UBE2E1: variants seen among roughly 807,000 people sequenced by gnomAD.
UBE2E1 encodes the protein ubiquitin conjugating enzyme E2 E1.
In UBE2E1, 6 loss-of-function variants were observed where a neutral mutation model predicts 21.4. That is an observed-to-expected ratio of 0.28 (90% CI 0.15 to 0.55). UBE2E1 has a LOEUF of 0.55. UBE2E1 is among the 20% of genes least tolerant of loss of function. UBE2E1 has a pLI of 0.93. For missense variants in UBE2E1, 142 were observed against 236.5 expected, an observed-to-expected ratio of 0.60 and a Z score of 2.62; for synonymous variants, 87 against 82.7, an observed-to-expected ratio of 1.05 and a Z score of -0.28.
intron 3 of UBE2E1, among the ~76,000 whole-genome samples, chr3:23,858,976 G>A (rs1190926951): frequency 6.6e-6 from 1 of 152,118 alleles, no homozygotes; most frequent in Non-Finnish European, 1.5e-5. Flanking sequence ...ATCATTTATT[G>A]TTGGACAGTC....
intron 3 of UBE2E1, among the ~76,000 whole-genome samples, chr3:23,878,636 T>G (rs1700971376): frequency 6.6e-6 from 1 of 152,110 alleles, no homozygotes; most frequent in South Asian, 2.1e-4. Context: ...TGGCATTAGG[T>G]TCTCATAGGC....
intron 3 of UBE2E1, among the ~76,000 whole-genome samples, chr3:23,848,863 T>A (rs1450250227): frequency 6.6e-6 from 1 of 152,224 alleles, no homozygotes; most frequent in Non-Finnish European, 1.5e-5. Flanking sequence ...TAATAAGCAG[T>A]GAAGACCATG....
chr3:23,806,220 G>T lies in UBE2E1; in HGVS notation c.-34+132G>T, dbSNP rs1156877411. The T allele has an allele frequency of 1.3e-5, 2 of 148,676 alleles. No homozygotes were observed. Among genetic ancestry groups the T allele is most frequent in the African/African-American group, 2.4e-5 (1 of 40,984 alleles). The allele number at this position is 148,676 out of a possible 1,614,324, so 9.2% of individuals were successfully genotyped here. A position where few individuals can be genotyped will look rare whatever the true frequency, so the allele number is the denominator to read the frequency against. On this transcript the variant is annotated intron_variant, in intron 1 of 5. Transcript: ENST00000306627. The surrounding 1 kb of genome is among the most constrained non-coding windows in gnomAD (Gnocchi z 6.5). ...CAGGGCACGGGGCCGGCGCGGGGGG[G>T]GAGCGGAGAGGGGCTGGGGAGCCCC...
intron 3 of UBE2E1, among the ~76,000 whole-genome samples, chr3:23,813,330 G>A (rs949415109): frequency 2.0e-5 from 3 of 152,140 alleles, no homozygotes; most frequent in African/African-American, 7.2e-5. Flanking sequence ...ATTTTCTGAA[G>A]ATATTTTCCA....
At chr3:23,882,632 T>C (rs775280354) in intron 3 of UBE2E1, among the ~76,000 whole-genome samples, 5 of 150,386 alleles carry the variant, frequency 3.3e-5, no homozygotes, top group Non-Finnish European at 7.4e-5. Flanking sequence ...ACTGCAGGGG[T>C]GGAGGGGAGG....
At chr3:23,814,507 TAC>T (rs145652054) in intron 3 of UBE2E1, among the ~76,000 whole-genome samples, 1 of 151,898 alleles carries the variant, frequency 6.6e-6, no homozygotes, top group Non-Finnish European at 1.5e-5. Flanking sequence ...TATATATGCA[TAC>T]ACACACACAC....
At chr3:23,889,774 C>T in intron 5 of UBE2E1, 1 of 985,086 alleles carries the variant, frequency 1.0e-6, no homozygotes, top group Non-Finnish European at 1.2e-6. Flanking sequence ...TCTGTAGTCA[C>T]AGCTACTAGG....
chr3:23,886,922 A>G (rs911242354), intron 3 of UBE2E1, among the ~76,000 whole-genome samples: 2 of 152,250 alleles, frequency 1.3e-5, no homozygotes, highest in Non-Finnish European at 2.9e-5. Flanking sequence ...TGTATGTAAC[A>G]GTGATTTATG....
intron 3 of UBE2E1, among the ~76,000 whole-genome samples, chr3:23,869,968 T>C (rs567368807): frequency 3.9e-5 from 6 of 152,276 alleles, no homozygotes; most frequent in South Asian, 2.1e-4. Flanking sequence ...TTCATAGATA[T>C]AGAGTTTGGG....
rs1700908482 is a variant in UBE2E1, at chr3:23,876,080, A to C, written c.204-11487A>C. ...GCCACTGTGCCCAGCCAAATATGTGAATTCTTGTGTGTGGGTACTAGTTTT... is the reference window on the plus strand; with the variant it reads ...GCCACTGTGCCCAGCCAAATATGTGCATTCTTGTGTGTGGGTACTAGTTTT... On this transcript the variant is annotated intron_variant, in intron 3 of 5. Coordinates refer to ENST00000306627, the MANE Select transcript of UBE2E1 (RefSeq NM_003341.5). The surrounding 1 kb of genome is among the most constrained non-coding windows in gnomAD (Gnocchi z 4.3). Among the ~76,000 whole-genome samples the C allele has an allele frequency of 6.6e-6, 1 of 152,004 alleles. No individual in the cohort carries two copies. The highest frequency in any genetic ancestry group is 2.1e-4 in the South Asian group (1 of 4,810).
intron 3 of UBE2E1, among the ~76,000 whole-genome samples, chr3:23,850,737 T>C (rs1461134829): frequency 6.7e-6 from 1 of 148,332 alleles, no homozygotes; most frequent in Non-Finnish European, 1.5e-5. Flanking sequence ...ATGCCAGAGC[T>C]GTGGCATGAT....
chr3:23,869,916 A>G (rs967914197), intron 3 of UBE2E1, among the ~76,000 whole-genome samples: 1 of 152,240 alleles, frequency 6.6e-6, no homozygotes, highest in East Asian at 1.9e-4. Flanking sequence ...ATAACAAAAT[A>G]TTCTAAACAA....
intron 3 of UBE2E1, among the ~76,000 whole-genome samples, chr3:23,818,999 G>A (rs1338329425): frequency 9.2e-5 from 14 of 152,150 alleles, no homozygotes; most frequent in Admixed American, 9.2e-4. Context: ...AAAATTGCTA[G>A]AGAGTCCGGG....
Position 23,811,416 on chromosome 3 carries a change from C to G in UBE2E1, c.153-44C>G, listed in dbSNP as rs75932263. On this transcript the variant is annotated intron_variant, in intron 2 of 5. Transcript: ENST00000306627. ...CGCTACAGGTGGGAGGCTTCCGCGCCTTAATGCTTCTTGTGTTTGTCTTTC... is the reference window on the plus strand; with the variant it reads ...CGCTACAGGTGGGAGGCTTCCGCGCGTTAATGCTTCTTGTGTTTGTCTTTC... 5.9e-3 allele frequency: 9,505 copies of G among 1,610,030 alleles called. 39 individuals carry two copies. Among genetic ancestry groups the G allele is most frequent in the Non-Finnish European group, 6.8e-3 (7,978 of 1,176,266 alleles).
chr3:23,807,088 T>C, intron 1 of UBE2E1, 149 bp from the exon 2 acceptor site: 1 of 590,792 alleles, frequency 1.7e-6, no homozygotes, highest in Non-Finnish European at 2.8e-6. Context: ...GCAAAAGCCT[T>C]AATGGGCCTG....
Position 23,810,633 on chromosome 3 carries a change from A to G in UBE2E1, c.153-827A>G, listed in dbSNP as rs1699366915. 3.5e-6 allele frequency: 4 copies of G among 1,127,146 alleles called. No individual in the cohort carries two copies. Among genetic ancestry groups the G allele is most frequent in the Non-Finnish European group, 4.8e-6 (4 of 825,610 alleles). The allele number at this position is 1,127,146 out of a possible 1,614,324, so 69.8% of individuals were successfully genotyped here. On this transcript the variant is annotated intron_variant, in intron 2 of 5. Coordinates refer to ENST00000306627, the MANE Select transcript of UBE2E1 (RefSeq NM_003341.5). The surrounding 1 kb of genome is among the most constrained non-coding windows in gnomAD (Gnocchi z 5.8). ...GGCCACTTGGGGTCTGTGGTGCCCG[A>G]GTGGCGGGCGGGGGTGTTCGCGCCC...
intron 3 of UBE2E1, among the ~76,000 whole-genome samples, chr3:23,821,231 A>T (rs1200869834): frequency 2.0e-5 from 3 of 152,204 alleles, no homozygotes; most frequent in African/African-American, 7.2e-5. Flanking sequence ...GACAGAGTGC[A>T]GTGATGGAGA....
rs764012134 is a variant in UBE2E1 at position 23,807,353 on chromosome 3, C to A, written c.84C>A (p.Thr28=). 1.2e-6 allele frequency: 2 copies of A among 1,613,772 alleles called. No individual in the cohort carries two copies. Among genetic ancestry groups the A allele is most frequent in the Non-Finnish European group, 1.7e-6 (2 of 1,179,938 alleles). ...AGCAAACCGAGAAAGAAACAAACACCCCCAAGAAGAAGGAGAGTAAAGTCA... is the reference window on the plus strand; with the variant it reads ...AGCAAACCGAGAAAGAAACAAACACACCCAAGAAGAAGGAGAGTAAAGTCA... ...SNQQTEKETN[T]PKKKESKVSM... The change falls in exon 2 of 6, where the codon ACC becomes ACA. Residue 28 remains threonine (T), a synonymous_variant. Transcript: ENST00000306627.
At chr3:23,864,761 T>C (rs1472620360) in intron 3 of UBE2E1, among the ~76,000 whole-genome samples, 9 of 152,264 alleles carry the variant, frequency 5.9e-5, no homozygotes, top group East Asian at 1.9e-4. Flanking sequence ...TCCTCAGTTA[T>C]CTGTTCCTTA....
Sources: allele counts gnomAD v4.1 joint callset (sites outside exome capture counted in the v4.1 genomes callset), GRCh38; gene constraint gnomAD v4.1.1; non-coding constraint Gnocchi (gnomAD v3.1); transcripts MANE v1.5; gene names NCBI Gene and HGNC (gene_info 2026-07-23, HGNC 2026-07-21).